The following SYT6 variants were observed in gnomAD, a reference collection of about 807,000 sequenced individuals.
SYT6 encodes the protein synaptotagmin-6.
In SYT6, 24 loss-of-function variants were observed where a neutral mutation model predicts 38.4. The observed-to-expected ratio is 0.62, with a 90% CI of 0.45 to 0.88. The LOEUF is 0.88. SYT6 is among the 40% of genes least tolerant of loss of function. The probability of loss-of-function intolerance (pLI) is 0.00; values close to 1 mark genes in which losing one functional copy is unlikely to be tolerated. For missense variants in SYT6, 611 were observed against 621.0 expected, an observed-to-expected ratio of 0.98 and a Z score of 0.17; for synonymous variants, 265 against 241.9, an observed-to-expected ratio of 1.10 and a Z score of -0.89.
intron 7 of SYT6, among the ~76,000 whole-genome samples, chr1:114,093,503 G>A (rs1675441107): frequency 6.6e-6 from 1 of 152,208 alleles, no homozygotes; most frequent in Non-Finnish European, 1.5e-5. Context: ...AGGCTTGGAA[G>A]CTGATCCAGT....
At chr1:114,118,395 G>T (rs1237749858) in intron 3 of SYT6, among the ~76,000 whole-genome samples, 1 of 152,232 alleles carries the variant, frequency 6.6e-6, no homozygotes, top group Admixed American at 6.5e-5. Flanking sequence ...GGCTCAGGCT[G>T]GGAGGAGAGA....
chr1:114,138,864 C>A (rs1678673779), intron 2 of SYT6, among the ~76,000 whole-genome samples: 1 of 152,194 alleles, frequency 6.6e-6, no homozygotes. Flanking sequence ...GACAGACTGT[C>A]AGTGTGACCT....
intron 3 of SYT6, among the ~76,000 whole-genome samples, chr1:114,110,471 G>C (rs1676610977): frequency 6.6e-6 from 1 of 152,196 alleles, no homozygotes; most frequent in South Asian, 2.1e-4. Flanking sequence ...AGAGCTCTCA[G>C]CAGAGGCTAG....
chr1:114,108,570 C>A (rs1451745240), intron 3 of SYT6, among the ~76,000 whole-genome samples: 1 of 152,134 alleles, frequency 6.6e-6, no homozygotes, highest in East Asian at 1.9e-4. Flanking sequence ...CCATGAGAAC[C>A]CAAGATTCCA....
At chr1:114,103,504 T>C in intron 4 of SYT6, 97 bp downstream of exon 4, 1 of 1,527,818 alleles carries the variant, frequency 6.5e-7, no homozygotes, top group South Asian at 1.2e-5. Context: ...GTGCTTCTAT[T>C]CTAAGAATGC....
At chr1:114,125,678 T>C (rs1677682889) in intron 3 of SYT6, among the ~76,000 whole-genome samples, 1 of 152,134 alleles carries the variant, frequency 6.6e-6, no homozygotes, top group Non-Finnish European at 1.5e-5. Flanking sequence ...AAACATATGA[T>C]AGCAACTGGA....
intron 3 of SYT6, among the ~76,000 whole-genome samples, chr1:114,122,463 T>C (rs559961407): frequency 6.7e-6 from 1 of 149,698 alleles, no homozygotes; most frequent in East Asian, 2.0e-4. Context: ...TGGCGTGTGA[T>C]GGACACAGCA....
chr1:114,127,551 C>T (rs1337154452), intron 3 of SYT6, among the ~76,000 whole-genome samples: 1 of 152,186 alleles, frequency 6.6e-6, no homozygotes, highest in South Asian at 2.1e-4. Flanking sequence ...CTCCCTGCAC[C>T]CTCCAACCCC....
chr1:114,092,287 G>A (rs1015433653), intron 7 of SYT6, among the ~76,000 whole-genome samples: 5 of 148,680 alleles, frequency 3.4e-5, no homozygotes, highest in Admixed American at 6.7e-5. Flanking sequence ...AAGACCTACT[G>A]CAGAGATAAT....
chr1:114,141,408 G>C (rs1330840748), intron 1 of SYT6, among the ~76,000 whole-genome samples: 4 of 152,216 alleles, frequency 2.6e-5, no homozygotes, highest in African/African-American at 9.6e-5. Flanking sequence ...GCCTAATCCA[G>C]AGCAAGACAG....
intron 1 of SYT6, among the ~76,000 whole-genome samples, chr1:114,150,889 T>C (rs1679408362): frequency 6.6e-6 from 1 of 152,210 alleles, no homozygotes; most frequent in Non-Finnish European, 1.5e-5. Context: ...GCACAGACTC[T>C]AGCCTATAGA....
chr1:114,119,809 C>T (rs2481087), intron 3 of SYT6, among the ~76,000 whole-genome samples: 66,309 of 152,052 alleles, frequency 0.44, 14,681 homozygotes, highest in African/African-American at 0.47. Flanking sequence ...CGGTGGCTCA[C>T]GCCTGTAATC....
chr1:114,127,719 G>T (rs959222019), intron 3 of SYT6, among the ~76,000 whole-genome samples: 4 of 152,250 alleles, frequency 2.6e-5, no homozygotes, highest in African/African-American at 9.6e-5. Flanking sequence ...CCTCTTTGGT[G>T]AGAGGTACAA....
At chr1:114,109,979 G>C (rs978403181) in intron 3 of SYT6, among the ~76,000 whole-genome samples, 1 of 152,224 alleles carries the variant, frequency 6.6e-6, no homozygotes. Context: ...CGCATGAGAG[G>C]TTCCCTGTGG....
intron 1 of SYT6, among the ~76,000 whole-genome samples, chr1:114,149,552 T>C (rs1679341697): frequency 6.6e-6 from 1 of 152,268 alleles, no homozygotes; most frequent in South Asian, 2.1e-4. Context: ...ACTTCCACCA[T>C]CATTAGGGGA....
chr1:114,093,120 C>A (rs745656534), intron 7 of SYT6, among the ~76,000 whole-genome samples: 1 of 152,134 alleles, frequency 6.6e-6, no homozygotes, highest in Non-Finnish European at 1.5e-5. Context: ...GTAGAAGCTG[C>A]TACTATGCAT....
At chr1:114,129,416 A>G in intron 3 of SYT6, among the ~76,000 whole-genome samples, 1 of 142,234 alleles carries the variant, frequency 7.0e-6, no homozygotes, top group Non-Finnish European at 1.5e-5. Context: ...CCCGCCTCTT[A>G]CCTCTCCCGC....
rs565298820 is a variant in SYT6, at chr1:114,153,687, G to T, written c.86C>A (p.Pro29His). 1.5e-6 allele frequency: 1 copy of T among 674,016 alleles called. No individual in the cohort carries two copies. Among genetic ancestry groups the T allele is most frequent in the Non-Finnish European group, 2.7e-6 (1 of 369,978 alleles). The allele number at this position is 674,016 out of a possible 1,614,324, so 41.8% of individuals were successfully genotyped here. The change falls in exon 1 of 8, where the codon CCT becomes CAT. Residue 29 changes from proline to histidine, a missense_variant. Transcript: ENST00000610222. ...LASLCRARPP[P>H]LGLDVETCRS... The stretch of plus-strand genomic sequence containing the variant: ...ACAAGTCTCCACGTCCAGCCCGAGA[G>T]GGGGCGGCCGGGCCCGGCACAGCGA...
rs561501219 is a variant in SYT6 at position 114,131,175 on chromosome 1, T to A, written c.1071+6320A>T. Among the ~76,000 whole-genome samples the A allele has an allele frequency of 2.8e-4, 43 of 152,118 alleles. 1 individual carries two copies. Among genetic ancestry groups the A allele is most frequent in the Non-Finnish European group, 3.1e-4 (21 of 68,014 alleles). On this transcript the variant is annotated intron_variant, in intron 3 of 7. Transcript: ENST00000610222. ...CCTCCCCCATCAGACTGCGAGGTCT[T>A]GAGGGCAGGACTGGAGTTGAAGTCA... is the stretch of plus-strand genomic sequence containing the variant.
Sources: allele counts gnomAD v4.1 joint callset (sites outside exome capture counted in the v4.1 genomes callset), GRCh38; gene constraint gnomAD v4.1.1; transcripts MANE v1.5; gene names NCBI Gene and HGNC (gene_info 2026-07-23, HGNC 2026-07-21).